Variants in FGF12 observed in about 807,000 individuals in gnomAD.
FGF12 encodes fibroblast growth factor 12B.
A neutral mutation model predicts 23.6 loss-of-function variants in FGF12; 14 were observed. The ratio of observed to expected loss-of-function variants is 0.59; its 90% CI spans 0.39 to 0.93. FGF12 has a LOEUF of 0.93. Among genes scored for constraint, FGF12 ranks in the 40% least tolerant of loss-of-function variants. The probability of loss-of-function intolerance (pLI) is 0.00; values close to 1 mark genes in which losing one functional copy is unlikely to be tolerated. For synonymous variants in FGF12, 62 were observed against 77.3 expected (o/e 0.80, Z 1.04); for missense variants, 175 against 217.8 (o/e 0.80, Z 1.24).
At chr3:192,233,712 A>G (rs1719140080) in intron 4 of FGF12, among the ~76,000 whole-genome samples, 2 of 151,766 alleles carry the variant, frequency 1.3e-5, no homozygotes, top group Admixed American at 1.3e-4. Context: ...TTTTGAGTTG[A>G]TTTTTGTATA....
At chr3:192,264,714 C>T (rs771220411) in intron 4 of FGF12, among the ~76,000 whole-genome samples, 5 of 152,004 alleles carry the variant, frequency 3.3e-5, no homozygotes, top group South Asian at 4.2e-4. Flanking sequence ...AGAGTCTTTG[C>T]AGTCAGACAG....
At chr3:192,227,760 C>T (rs1329029007) in intron 4 of FGF12, among the ~76,000 whole-genome samples, 2 of 152,080 alleles carry the variant, frequency 1.3e-5, no homozygotes, top group East Asian at 3.9e-4. Flanking sequence ...TCAATTACTT[C>T]TTATTGAACT....
intron 2 of FGF12, among the ~76,000 whole-genome samples, chr3:192,491,807 G>T (rs952785909): frequency 3.9e-5 from 6 of 151,982 alleles, no homozygotes; most frequent in African/African-American, 1.4e-4. Context: ...AAATAACAAG[G>T]CTTCTTAGAG....
At chr3:192,604,218 G>C (rs1714241767) in intron 2 of FGF12, among the ~76,000 whole-genome samples, 1 of 151,984 alleles carries the variant, frequency 6.6e-6, no homozygotes, top group African/African-American at 2.4e-5. Context: ...TCTTTTTCAA[G>C]GTGCACTGAT....
chr3:192,214,673 T>C (rs1011436232), intron 4 of FGF12, among the ~76,000 whole-genome samples: 5 of 152,230 alleles, frequency 3.3e-5, no homozygotes, highest in African/African-American at 1.2e-4. Flanking sequence ...AAATTGGTAA[T>C]TGACATGTTA....
intron 2 of FGF12, among the ~76,000 whole-genome samples, chr3:192,696,088 G>T (rs1330060135): frequency 6.6e-6 from 1 of 151,840 alleles, no homozygotes; most frequent in Non-Finnish European, 1.5e-5. Flanking sequence ...GACGGAGAAA[G>T]ATTCTGTTTA....
intron 2 of FGF12, among the ~76,000 whole-genome samples, chr3:192,669,361 G>A (rs2108692238): frequency 6.6e-6 from 1 of 152,126 alleles, no homozygotes; most frequent in South Asian, 2.1e-4. Flanking sequence ...GCTGAGGTGG[G>A]CGGATCATGA....
intron 4 of FGF12, among the ~76,000 whole-genome samples, chr3:192,267,402 G>T (rs551315144): frequency 1.7e-4 from 26 of 152,158 alleles, no homozygotes; most frequent in African/African-American, 5.8e-4. Context: ...CAGATTAAAG[G>T]TATTTAAATA....
intron 2 of FGF12, among the ~76,000 whole-genome samples, chr3:192,377,835 T>C (rs1719590143): frequency 6.6e-6 from 1 of 152,204 alleles, no homozygotes; most frequent in Non-Finnish European, 1.5e-5. Flanking sequence ...TAGTTCATTC[T>C]ATTGCTTTAA....
intron 5 of FGF12, among the ~76,000 whole-genome samples, chr3:192,155,202 C>T (rs575837858): frequency 2.0e-5 from 3 of 151,636 alleles, no homozygotes; most frequent in Admixed American, 6.6e-5. Context: ...CACTGACCTG[C>T]GCCCACTGTC....
chr3:192,216,106 G>A (rs1376433015), intron 4 of FGF12, among the ~76,000 whole-genome samples: 1 of 152,106 alleles, frequency 6.6e-6, no homozygotes. Flanking sequence ...ACTTTCCTCT[G>A]AAACCAATTT....
intron 4 of FGF12, among the ~76,000 whole-genome samples, chr3:192,320,536 C>T (rs1368746815): frequency 1.3e-5 from 2 of 152,164 alleles, no homozygotes; most frequent in East Asian, 3.9e-4. Flanking sequence ...GGATTATTCT[C>T]AAGGATAGAC....
rs562784587 is a variant in FGF12, at chr3:192,665,279, T to G, written c.13+61902A>C. Among the ~76,000 whole-genome samples, 4 of 152,266 alleles carry G rather than the reference T, an allele frequency of 2.6e-5. No homozygotes were observed. The East Asian group carries it at 7.7e-4, about 29-fold the overall frequency. ...AAAAAATCAACTTCATCATGGTTCA[T>G]GGAACAATTATAGGAAAAGGTAAGG... On this transcript the variant is annotated intron_variant, in intron 2 of 5. Transcript: ENST00000445105.
At chr3:192,156,190 A>G in intron 5 of FGF12, among the ~76,000 whole-genome samples, 1 of 152,200 alleles carries the variant, frequency 6.6e-6, no homozygotes, top group East Asian at 1.9e-4. Context: ...TCTAGACTGG[A>G]AATAACATGA....
At chr3:192,714,300 A>C (rs1330094563) in intron 2 of FGF12, among the ~76,000 whole-genome samples, 1 of 152,154 alleles carries the variant, frequency 6.6e-6, no homozygotes, top group Non-Finnish European at 1.5e-5. Flanking sequence ...GTCTTCGCTA[A>C]GGAAGGGTCA....
At chr3:192,647,762 TAC>T (rs966060563) in intron 2 of FGF12, among the ~76,000 whole-genome samples, 2 of 150,072 alleles carry the variant, frequency 1.3e-5, no homozygotes, top group Non-Finnish European at 3.0e-5. Flanking sequence ...CATATATATA[TAC>T]ACACACTATA....
At chr3:192,200,560 G>A (rs1451606317) in intron 4 of FGF12, among the ~76,000 whole-genome samples, 1 of 152,116 alleles carries the variant, frequency 6.6e-6, no homozygotes, top group Non-Finnish European at 1.5e-5. Context: ...CCCCATATGT[G>A]TACACTAATT....
At position 192,221,503 on chromosome 3, in the gene FGF12, C is replaced by A. The variant is rs149027843; in HGVS notation, c.229-50847G>T. Among the ~76,000 whole-genome samples the A allele has an allele frequency of 3.0e-3, 455 of 152,176 alleles. 3 individuals are homozygous for A. Among genetic ancestry groups the A allele is most frequent in the Middle Eastern group, 0.017 (5 of 294 alleles). On this transcript the variant is annotated intron_variant, in intron 4 of 5. Coordinates refer to ENST00000445105, the MANE Select transcript of FGF12 (RefSeq NM_004113.6). ...TGATCAGTATCTTTATACTAAGGTA[C>A]GTTAATAAACACCAGTGGTGCTGGA...
rs190762590 is a variant in FGF12 at position 192,373,511 on chromosome 3, A to T, written c.14-12973T>A. Among the ~76,000 whole-genome samples the T allele has an allele frequency of 2.6e-4, 40 of 152,356 alleles. No individual in the cohort carries two copies. The East Asian group carries it at 7.1e-3, about 27-fold the overall frequency. ...CTTTTACCACTGTAAATCAATGAAG[A>T]TTATTAAAATTTCAGTTAAATTATA... On this transcript the variant is annotated intron_variant, in intron 2 of 5. Transcript: ENST00000445105.
Sources: allele counts gnomAD v4.1 joint callset (sites outside exome capture counted in the v4.1 genomes callset), GRCh38; gene constraint gnomAD v4.1.1; transcripts MANE v1.5; gene names NCBI Gene and HGNC (gene_info 2026-07-23, HGNC 2026-07-21).